The following RAI14 variants were observed in gnomAD, a reference collection of about 807,000 sequenced individuals.
The protein encoded by RAI14 is retinoic acid induced 14.
RAI14 carries 45 observed loss-of-function variants against 115.4 expected under a neutral mutation model. The ratio of observed to expected loss-of-function variants is 0.39; its 90% CI spans 0.31 to 0.50. The LOEUF (loss-of-function observed/expected upper bound fraction) is 0.50. Ranked by LOEUF, RAI14 falls within the 20% of genes least tolerant of loss-of-function variation. The pLI is 0.85. For synonymous variants in RAI14, 371 were observed against 415.4 expected (o/e 0.89, Z 1.30); for missense variants, 939 against 1,131.2 (o/e 0.83, Z 2.44).
intron 3 of RAI14, among the ~76,000 whole-genome samples, chr5:34,768,938 G>A (rs183489315): frequency 5.5e-4 from 83 of 151,750 alleles, no homozygotes; most frequent in African/African-American, 1.6e-3. Context: ...GCAGCGAGCC[G>A]AGATGGTGCC....
At chr5:34,815,784 G>A (rs1756159656) in intron 12 of RAI14, among the ~76,000 whole-genome samples, 1 of 152,118 alleles carries the variant, frequency 6.6e-6, no homozygotes, top group African/African-American at 2.4e-5. Context: ...AAATCACTCA[G>A]GGAGCAGATT....
At position 34,692,249 on chromosome 5, in the gene RAI14, C is replaced by T. The variant is rs140513962; in HGVS notation, c.36+5294C>T. On this transcript the variant is annotated intron_variant, in intron 2 of 17. Transcript: ENST00000265109. ...CTTCACTTCAGCCTGGGCGACAGAG[C>T]GAAACTCCGTCTGTTAAAAAAAAAA... 7.0e-3 allele frequency among the ~76,000 whole-genome samples: 1,023 copies of T among 146,738 alleles called. 15 individuals are homozygous for T. Among genetic ancestry groups the T allele is most frequent in the African/African-American group, 0.022 (918 of 40,936 alleles).
At chr5:34,782,757 TACCATCTG>T (rs961524966) in intron 3 of RAI14, among the ~76,000 whole-genome samples, 61 of 152,358 alleles carry the variant, frequency 4.0e-4, no homozygotes, top group African/African-American at 1.4e-3. Flanking sequence ...TTATCATTTC[TACCATCTG>T]ACCATTTTGT....
Position 34,764,530 on chromosome 5 carries a change from G to A in RAI14, c.167+6932G>A, listed in dbSNP as rs1054901872. Among the ~76,000 whole-genome samples the A allele has an allele frequency of 9.1e-5, 12 of 131,402 alleles. No individual in the cohort carries two copies. In the Admixed American group the frequency reaches 9.2e-4, roughly 10 times the overall value. 86.2% of individuals were successfully genotyped at this position (131,402 alleles called of 152,430 possible). On this transcript the variant is annotated intron_variant, in intron 3 of 17. Transcript: ENST00000265109. The stretch of plus-strand genomic sequence containing the variant: ...GCTGAGGAAGGCCCAGGAAGCACAG[G>A]TGAATTTTCTCTCTCTCTCTCTCTC...
chr5:34,736,822 G>A (rs1181940829), intron 2 of RAI14, among the ~76,000 whole-genome samples: 1 of 152,202 alleles, frequency 6.6e-6, no homozygotes, highest in African/African-American at 2.4e-5. Context: ...GTTTTACTTT[G>A]CTGTCTATAA....
Position 34,821,862 on chromosome 5 carries a change from G to A in RAI14, c.1113+12G>A, listed in dbSNP as rs571272402. 1 of 1,410,736 alleles carries A rather than the reference G, an allele frequency of 7.1e-7. No individual in the cohort carries two copies. Among genetic ancestry groups the A allele is most frequent in the Middle Eastern group, 1.8e-4 (1 of 5,650 alleles). 87.4% of individuals were successfully genotyped at this position (1,410,736 alleles called of 1,614,324 possible). ...AAGATAAATTACAGGTATATAAATA[G>A]ATTGCTATCATGGACTATTCTGTAG... On this transcript the variant is annotated intron_variant, in intron 14 of 17. Coordinates refer to ENST00000265109, the MANE Select transcript of RAI14 (RefSeq NM_015577.3).
At chr5:34,725,988 A>G (rs1168530401) in intron 2 of RAI14, among the ~76,000 whole-genome samples, 1 of 151,708 alleles carries the variant, frequency 6.6e-6, no homozygotes, top group African/African-American at 2.4e-5. Flanking sequence ...AGCCACAAAT[A>G]CATTACAATT....
chr5:34,807,374 A>AG (rs1406504236), intron 5 of RAI14, among the ~76,000 whole-genome samples: 2 of 152,096 alleles, frequency 1.3e-5, no homozygotes, highest in African/African-American at 4.8e-5. Flanking sequence ...TGGACTCGAG[A>AG]GGGGACACCC....
intron 2 of RAI14, among the ~76,000 whole-genome samples, chr5:34,741,782 A>G (rs1349507570): frequency 6.6e-6 from 1 of 152,214 alleles, no homozygotes; most frequent in Non-Finnish European, 1.5e-5. Flanking sequence ...AGCAGTGGAC[A>G]AGAGTACATC....
intron 1 of RAI14, among the ~76,000 whole-genome samples, chr5:34,657,599 C>T (rs551064371): frequency 6.6e-6 from 1 of 152,218 alleles, no homozygotes. Flanking sequence ...TTCTCTTCGC[C>T]GCAGCTCACG....
intron 3 of RAI14, among the ~76,000 whole-genome samples, chr5:34,760,067 A>G (rs531129776): frequency 3.3e-5 from 5 of 149,968 alleles, no homozygotes; most frequent in Admixed American, 1.3e-4. Context: ...CAGTAGCGTG[A>G]TCTCGGCTCA....
chr5:34,740,167 A>G (rs1218838142), intron 2 of RAI14, among the ~76,000 whole-genome samples: 1 of 152,246 alleles, frequency 6.6e-6, no homozygotes, highest in Non-Finnish European at 1.5e-5. Flanking sequence ...GAAGTTGTGT[A>G]TAGGATGCCC....
intron 3 of RAI14, among the ~76,000 whole-genome samples, chr5:34,766,736 T>A (rs1749426869): frequency 6.6e-6 from 1 of 152,170 alleles, no homozygotes; most frequent in South Asian, 2.1e-4. Context: ...TTTTGAAATT[T>A]GAGGATTGAA....
chr5:34,675,175 G>A (rs935217428), intron 1 of RAI14, among the ~76,000 whole-genome samples: 2 of 152,178 alleles, frequency 1.3e-5, no homozygotes, highest in South Asian at 2.1e-4. Context: ...GATTATAGGC[G>A]TGAGCCTCCC....
intron 2 of RAI14, among the ~76,000 whole-genome samples, chr5:34,697,811 T>G (rs1438459147): frequency 1.3e-5 from 2 of 152,210 alleles, no homozygotes; most frequent in Non-Finnish European, 2.9e-5. Flanking sequence ...ATTGATTAGT[T>G]TAATCTGAAC....
intron 2 of RAI14, among the ~76,000 whole-genome samples, chr5:34,741,333 C>A (rs895456434): frequency 2.6e-5 from 4 of 152,192 alleles, no homozygotes; most frequent in African/African-American, 9.7e-5. Context: ...GGGTCACACA[C>A]ATGGTAGAGC....
intron 2 of RAI14, among the ~76,000 whole-genome samples, chr5:34,723,014 C>T (rs897134807): frequency 6.0e-5 from 9 of 150,658 alleles, no homozygotes; most frequent in Non-Finnish European, 1.0e-4. Context: ...GCAGGAGAAT[C>T]GCTTGAAACT....
intron 2 of RAI14, among the ~76,000 whole-genome samples, chr5:34,738,950 A>G (rs2150041788): frequency 6.6e-6 from 1 of 152,322 alleles, no homozygotes; most frequent in African/African-American, 2.4e-5. Flanking sequence ...TCTCTGGATA[A>G]GTATGGTGGC....
At chr5:34,730,187 GTTATCGTGGTAAGCATT>G (rs1743996969) in intron 2 of RAI14, among the ~76,000 whole-genome samples, 1 of 152,118 alleles carries the variant, frequency 6.6e-6, no homozygotes, top group Non-Finnish European at 1.5e-5. Flanking sequence ...TTCACCTATT[GTTATCGTGGTAAGCATT>G]TTCTACAGTG....
Sources: gnomAD v4.1 joint callset for allele counts (sites outside exome capture counted in the v4.1 genomes callset) on GRCh38, gnomAD v4.1.1 for gene constraint, MANE v1.5 for transcripts, NCBI Gene and HGNC (gene_info 2026-07-23, HGNC 2026-07-21) for gene names.